The following SLC71A1 variants were observed in gnomAD, a reference collection of about 807,000 sequenced individuals.
The protein encoded by SLC71A1 is hippocampus abundant gene transcript 1.
chr1:100,058,475 T>A, the SLC71A1 span, among the ~76,000 whole-genome samples: 1 of 152,200 alleles, frequency 6.6e-6, no homozygotes. Flanking sequence ...AAGTGCCCAA[T>A]GTAGTGCCCT....
chr1:100,082,253 G>A, the SLC71A1 span: 3 of 1,442,580 alleles, frequency 2.1e-6, no homozygotes, highest in Non-Finnish European at 2.9e-6. Flanking sequence ...CCAGGTCTTA[G>A]TTTTCACCTC....
At chr1:100,043,474 C>T in the SLC71A1 span, among the ~76,000 whole-genome samples, 1 of 152,102 alleles carries the variant, frequency 6.6e-6, no homozygotes, top group Non-Finnish European at 1.5e-5. Flanking sequence ...TCCTTCCAGT[C>T]GTGGGAAACT....
At chr1:100,054,718 TA>T in the SLC71A1 span, among the ~76,000 whole-genome samples, 10 of 152,168 alleles carry the variant, frequency 6.6e-5, no homozygotes, top group South Asian at 1.5e-3. Context: ...TTTTTAAAGT[TA>T]AAAAAAAGTT....
the SLC71A1 span, among the ~76,000 whole-genome samples, chr1:100,066,798 G>A: frequency 6.6e-6 from 1 of 151,952 alleles, no homozygotes; most frequent in Non-Finnish European, 1.5e-5. Context: ...GACCATCTTG[G>A]CTAACACGGT....
At chr1:100,038,829 C>A in the SLC71A1 span, among the ~76,000 whole-genome samples, 3 of 152,266 alleles carry the variant, frequency 2.0e-5, no homozygotes, top group Admixed American at 1.3e-4. Flanking sequence ...GTTTCCACGT[C>A]TCTCTGCGTC....
At chr1:100,066,948 C>T in the SLC71A1 span, among the ~76,000 whole-genome samples, 13 of 133,334 alleles carry the variant, frequency 9.7e-5, no homozygotes, top group South Asian at 4.8e-4. Context: ...GAGATCGCGC[C>T]ACTGCACTCC....
At chr1:100,069,409 A>C in the SLC71A1 span, among the ~76,000 whole-genome samples, 2 of 152,228 alleles carry the variant, frequency 1.3e-5, no homozygotes, top group Admixed American at 6.5e-5. Context: ...TAGTATATCC[A>C]CATTGAGGGA....
chr1:100,061,155 A>T, the SLC71A1 span, among the ~76,000 whole-genome samples: 1 of 152,216 alleles, frequency 6.6e-6, no homozygotes, highest in African/African-American at 2.4e-5. Context: ...CATTATGATT[A>T]TATGTGATTT....
the SLC71A1 span, chr1:100,067,914 G>C: frequency 8.2e-7 from 1 of 1,218,988 alleles, no homozygotes; most frequent in Non-Finnish European, 1.2e-6. Flanking sequence ...TATGAAAGGA[G>C]TTATGTGGTG....
the SLC71A1 span, chr1:100,068,070 G>T: frequency 6.2e-7 from 1 of 1,614,182 alleles, no homozygotes; most frequent in Non-Finnish European, 8.5e-7. Flanking sequence ...GGTGGTCTTA[G>T]CTACAGCAAT....
chr1:100,078,588 A>G, the SLC71A1 span: 19 of 1,361,374 alleles, frequency 1.4e-5, no homozygotes, highest in Non-Finnish European at 2.0e-5. Flanking sequence ...TTAAAAGTAC[A>G]GAATGTTCTA....
the SLC71A1 span, chr1:100,069,797 G>C: frequency 1.4e-6 from 1 of 721,004 alleles, no homozygotes; most frequent in Non-Finnish European, 2.5e-6. Flanking sequence ...AGGAGTCTGA[G>C]GTTGATAGGT....
At chr1:100,044,852 C>T in the SLC71A1 span, among the ~76,000 whole-genome samples, 1 of 152,144 alleles carries the variant, frequency 6.6e-6, no homozygotes, top group African/African-American at 2.4e-5. Flanking sequence ...TGTTGTGTTC[C>T]ATTGGTCTTC....
the SLC71A1 span, among the ~76,000 whole-genome samples, chr1:100,066,563 C>T: frequency 6.6e-5 from 10 of 152,148 alleles, no homozygotes; most frequent in Non-Finnish European, 1.5e-4. Context: ...GGCCCAAGAC[C>T]GTTCTTCCAG....
chr1:100,058,652 T>C, the SLC71A1 span: 3 of 1,422,338 alleles, frequency 2.1e-6, no homozygotes, highest in Admixed American at 5.4e-5. Flanking sequence ...TTTATTTTGG[T>C]TTTTATTCTT....
the SLC71A1 span, chr1:100,069,475 G>A: frequency 1.7e-6 from 1 of 595,840 alleles, no homozygotes; most frequent in Non-Finnish European, 3.0e-6. Context: ...TATTTCCTCT[G>A]AGGAATTCTT....
chr1:100,050,287 G>T, the SLC71A1 span, among the ~76,000 whole-genome samples: 1 of 152,080 alleles, frequency 6.6e-6, no homozygotes, highest in South Asian at 2.1e-4. Context: ...TTCTTAAACC[G>T]ACAGGTTTAG....
At chr1:100,061,740 T>C in the SLC71A1 span, 1 of 759,862 alleles carries the variant, frequency 1.3e-6, no homozygotes, top group Non-Finnish European at 2.3e-6. Context: ...TTGACTGAAA[T>C]GAGCTGCTCT....
At chr1:100,054,223 A>AT in the SLC71A1 span, among the ~76,000 whole-genome samples, 2 of 147,018 alleles carry the variant, frequency 1.4e-5, no homozygotes, top group Non-Finnish European at 3.0e-5. Context: ...TTTTTTTATT[A>AT]TTTTTTTTGA....
Sources: gnomAD v4.1 joint callset for allele counts (sites outside exome capture counted in the v4.1 genomes callset) on GRCh38, gnomAD v4.1.1 for gene constraint, MANE v1.5 for transcripts, NCBI Gene and HGNC (gene_info 2026-07-23, HGNC 2026-07-21) for gene names.